PLXDC2: variants seen among roughly 807,000 people sequenced by gnomAD.
PLXDC2 encodes plexin domain-containing protein 2.
Under a neutral mutation model 68.9 loss-of-function variants are expected in PLXDC2, and 40 were observed. The observed-to-expected ratio is 0.58, with a 90% confidence interval of 0.45 to 0.76. The LOEUF is 0.76. Ranked by LOEUF, PLXDC2 falls within the 30% of genes least tolerant of loss-of-function variation. The pLI is 0.00. For synonymous variants in PLXDC2, 243 were observed against 234.2 expected (o/e 1.04, Z -0.34); for missense variants, 644 against 661.9 (o/e 0.97, Z 0.30).
At chr10:20,196,765 T>C (rs1164840324) in intron 9 of PLXDC2, among the ~76,000 whole-genome samples, 1 of 152,214 alleles carries the variant, frequency 6.6e-6, no homozygotes, top group African/African-American at 2.4e-5. Flanking sequence ...TAACAGACAA[T>C]TGTTGAACAC....
At position 20,111,189 on chromosome 10, in the gene PLXDC2, C is replaced by A. The variant is rs1833556006; in HGVS notation, c.542-32106C>A. On this transcript the variant is annotated intron_variant, in intron 4 of 13. Transcript: ENST00000377252. ...CAGTTTTGTGTGGGTGATAGACTTG[C>A]AAACCATTGTACTCACAATGGAATA... is the stretch of plus-strand genomic sequence containing the variant. Among the ~76,000 whole-genome samples the A allele has an allele frequency of 1.3e-5, 2 of 152,168 alleles. 1 individual carries two copies. The highest frequency in any genetic ancestry group is 4.1e-4 in the South Asian group (2 of 4,824).
intron 1 of PLXDC2, among the ~76,000 whole-genome samples, chr10:19,856,600 G>A (rs569714091): frequency 6.6e-6 from 1 of 152,264 alleles, no homozygotes; most frequent in African/African-American, 2.4e-5. Context: ...GCTTTGTTCA[G>A]AGTTTTGATG....
chr10:20,196,182 C>G (rs1834834622), intron 9 of PLXDC2, among the ~76,000 whole-genome samples: 2 of 152,066 alleles, frequency 1.3e-5, no homozygotes, highest in African/African-American at 4.8e-5. Flanking sequence ...TCAACTCCGT[C>G]CTACCAAGAT....
chr10:20,184,734 A>G (rs1193184082), intron 9 of PLXDC2, among the ~76,000 whole-genome samples: 2 of 151,952 alleles, frequency 1.3e-5, no homozygotes, highest in African/African-American at 4.8e-5. Context: ...TGAAAGTAAC[A>G]GAGAAACATG....
chr10:19,908,094 A>G (rs995542538), intron 1 of PLXDC2, among the ~76,000 whole-genome samples: 1 of 152,322 alleles, frequency 6.6e-6, no homozygotes, highest in African/African-American at 2.4e-5. Flanking sequence ...ACTATTTACT[A>G]AATATATATA....
intron 1 of PLXDC2, among the ~76,000 whole-genome samples, chr10:19,950,808 G>A (rs1170840354): frequency 2.0e-5 from 3 of 152,164 alleles, no homozygotes; most frequent in African/African-American, 7.2e-5. Flanking sequence ...CAGACACATA[G>A]ACCTATACAA....
intron 9 of PLXDC2, among the ~76,000 whole-genome samples, chr10:20,190,484 T>G (rs996505661): frequency 1.3e-5 from 2 of 151,792 alleles, no homozygotes; most frequent in African/African-American, 4.8e-5. Flanking sequence ...CATTAGGAGA[T>G]ATACCTAATG....
intron 7 of PLXDC2, among the ~76,000 whole-genome samples, chr10:20,170,546 C>CA (rs1834434441): frequency 6.6e-6 from 1 of 152,090 alleles, no homozygotes; most frequent in Admixed American, 6.6e-5. Flanking sequence ...CCTTAACAAA[C>CA]AAAAACACAG....
intron 13 of PLXDC2, among the ~76,000 whole-genome samples, chr10:20,268,136 A>T (rs1461739439): frequency 6.6e-6 from 1 of 152,122 alleles, no homozygotes; most frequent in Non-Finnish European, 1.5e-5. Flanking sequence ...TCTAAATTAC[A>T]TATTAACTTT....
rs1836205180 is a variant in PLXDC2 at position 20,289,682 on chromosome 10, A to G, written c.*9863A>G. On this transcript the variant is annotated 3_prime_UTR_variant, in exon 14 of 14. Transcript: ENST00000377252. Reference sequence around the variant, plus strand: ...ACGCACAGACCTGAACCCATGCCCAAGAAGCACACACAATGACTGGAGCTG... The same window carrying G: ...ACGCACAGACCTGAACCCATGCCCAGGAAGCACACACAATGACTGGAGCTG... The G allele has an allele frequency of 6.6e-6, 1 of 152,382 alleles. No individual in the cohort carries two copies. The highest frequency in any genetic ancestry group is 2.1e-4 in the South Asian group (1 of 4,832). The allele number at this position is 152,382 out of a possible 1,614,324, so 9.4% of individuals were successfully genotyped here.
intron 9 of PLXDC2, among the ~76,000 whole-genome samples, chr10:20,210,603 G>A (rs537497421): frequency 6.6e-6 from 1 of 152,188 alleles, no homozygotes; most frequent in South Asian, 2.1e-4. Flanking sequence ...AGTGCAACTG[G>A]GTGTCCCCAA....
chr10:19,867,773 T>C (rs1243307681), intron 1 of PLXDC2, among the ~76,000 whole-genome samples: 1 of 152,128 alleles, frequency 6.6e-6, no homozygotes, highest in African/African-American at 2.4e-5. Context: ...GTATTCTCAA[T>C]GTGCGAAGAA....
intron 13 of PLXDC2, among the ~76,000 whole-genome samples, chr10:20,269,420 G>C (rs1835908594): frequency 6.6e-6 from 1 of 151,870 alleles, no homozygotes; most frequent in South Asian, 2.1e-4. Context: ...CTTAGAGAGA[G>C]AGAATCAGGA....
rs1159586770 is a variant in PLXDC2, at chr10:20,002,313, G to A, written c.324+327G>A. On this transcript the variant is annotated intron_variant, in intron 2 of 13. Coordinates refer to ENST00000377252, the MANE Select transcript of PLXDC2 (RefSeq NM_032812.9). Reference sequence around the variant, plus strand: ...TCACTCTTGTCACACAGGCTGGAGTGCAGTGGCACAATCTCAGCTCACTGC... The same window carrying A: ...TCACTCTTGTCACACAGGCTGGAGTACAGTGGCACAATCTCAGCTCACTGC... Among the ~76,000 whole-genome samples the A allele has an allele frequency of 2.7e-5, 4 of 150,666 alleles. No homozygotes were observed. In the East Asian group the frequency reaches 7.9e-4, roughly 30 times the overall value.
chr10:20,270,041 A>T (rs1220003215), intron 13 of PLXDC2, among the ~76,000 whole-genome samples: 7 of 151,448 alleles, frequency 4.6e-5, no homozygotes, highest in African/African-American at 1.5e-4. Context: ...ATAAAATAAA[A>T]TAAAATAAAA....
chr10:19,961,587 C>T (rs1834154796), intron 1 of PLXDC2, among the ~76,000 whole-genome samples: 1 of 152,174 alleles, frequency 6.6e-6, no homozygotes, highest in African/African-American at 2.4e-5. Flanking sequence ...GGTTAACTTT[C>T]CAGGAAGTTA....
At chr10:20,078,311 T>C (rs773790132) in intron 4 of PLXDC2, among the ~76,000 whole-genome samples, 6 of 152,080 alleles carry the variant, frequency 3.9e-5, no homozygotes, top group Admixed American at 2.0e-4. Flanking sequence ...TGAGGCCAGA[T>C]GTTCAAGGCT....
chr10:19,935,566 G>T (rs995896359), intron 1 of PLXDC2, among the ~76,000 whole-genome samples: 1 of 152,174 alleles, frequency 6.6e-6, no homozygotes, highest in African/African-American at 2.4e-5. Flanking sequence ...CACACATCTG[G>T]CTATTCCCAT....
chr10:20,122,810 C>T (rs1029037920), intron 4 of PLXDC2, among the ~76,000 whole-genome samples: 5 of 151,920 alleles, frequency 3.3e-5, no homozygotes, highest in South Asian at 4.2e-4. Flanking sequence ...GTTTGAGGGC[C>T]GGAATTTAAT....
Sources: gnomAD v4.1 joint callset for allele counts (sites outside exome capture counted in the v4.1 genomes callset) on GRCh38, gnomAD v4.1.1 for gene constraint, MANE v1.5 for transcripts, NCBI Gene and HGNC (gene_info 2026-07-23, HGNC 2026-07-21) for gene names.